Variants in DENND4A observed in about 807,000 individuals in gnomAD.
DENND4A encodes the protein C-myc promoter-binding protein.
DENND4A carries 70 observed loss-of-function variants against 199.3 expected under a neutral mutation model. That is an observed-to-expected ratio of 0.35 (90% CI 0.29 to 0.43). The LOEUF is 0.43. DENND4A is among the 20% of genes least tolerant of loss of function. DENND4A has a pLI of 1.00. For missense variants in DENND4A, 1,723 were observed against 2,255.8 expected (o/e 0.76, Z 4.78); for synonymous variants, 686 against 766.9 (o/e 0.89, Z 1.74).
chr15:65,751,977 T>C (rs2076573833), intron 4 of DENND4A, among the ~76,000 whole-genome samples: 1 of 151,074 alleles, frequency 6.6e-6, no homozygotes, highest in South Asian at 2.1e-4. Context: ...TTGGAGGAAA[T>C]AGGGAGGGAA....
At chr15:65,669,737 AAT>A (rs2076160447) in intron 27 of DENND4A, 40 bp downstream of exon 27, 1 of 1,513,416 alleles carries the variant, frequency 6.6e-7, no homozygotes, top group African/African-American at 1.4e-5. Context: ...AATATGTGTA[AAT>A]ATATGTTGTT....
chr15:65,779,348 C>T (rs1400075752), intron 1 of DENND4A, among the ~76,000 whole-genome samples: 1 of 149,490 alleles, frequency 6.7e-6, no homozygotes, highest in Non-Finnish European at 1.5e-5. Flanking sequence ...CCCAGCTACT[C>T]GGGAGGCTGA....
chr15:65,757,262 TG>T (rs71139431), intron 2 of DENND4A, among the ~76,000 whole-genome samples: 52,305 of 102,670 alleles, frequency 0.51, 12,315 homozygotes, highest in East Asian at 0.78. Context: ...TCTTCTGAGA[TG>T]GGGGGGGGGG....
intron 13 of DENND4A, 114 bp downstream of exon 13, chr15:65,717,661 TCTC>T (rs1232882163): frequency 1.1e-6 from 1 of 929,450 alleles, no homozygotes; most frequent in East Asian, 2.7e-5. Context: ...GTATTCAGAT[TCTC>T]CTCAAAATAG....
At chr15:65,761,631 T>G (rs1016260192) in intron 1 of DENND4A, among the ~76,000 whole-genome samples, 193 bp from the exon 2 acceptor site, 1 of 150,110 alleles carries the variant, frequency 6.7e-6, no homozygotes, top group African/African-American at 2.5e-5. Context: ...ATACATACTT[T>G]AAAAACAAAA....
At position 65,740,968 on chromosome 15, in the gene DENND4A, A is replaced by C. The variant is rs531833693; in HGVS notation, c.631+747T>G. ...CCGAATGAGACCCCGTACCCCCCCCAAAAAAAATCAAATGTAAAAGAGAAA... is the reference window on the plus strand; with the variant it reads ...CCGAATGAGACCCCGTACCCCCCCCCAAAAAAATCAAATGTAAAAGAGAAA... On this transcript the variant is annotated intron_variant, in intron 5 of 32. Transcript: ENST00000443035. Among the ~76,000 whole-genome samples, 350 of 151,844 alleles carry C rather than the reference A, an allele frequency of 2.3e-3. 1 individual carries two copies. Among genetic ancestry groups the C allele is most frequent in the African/African-American group, 7.5e-3 (310 of 41,376 alleles).
In DENND4A at chr15:65,660,496, G is replaced by A. The variant is rs2075817795; in HGVS notation, c.*1355C>T. 1 of 536,740 alleles carries A rather than the reference G, an allele frequency of 1.9e-6. No individual in the cohort carries two copies. Among genetic ancestry groups the A allele is most frequent in the Admixed American group, 3.5e-5 (1 of 28,666 alleles). 33.2% of individuals were successfully genotyped at this position (536,740 alleles called of 1,614,324 possible). A position where few individuals can be genotyped will look rare whatever the true frequency, so the allele number is the denominator to read the frequency against. On this transcript the variant is annotated 3_prime_UTR_variant, in exon 33 of 33. Coordinates refer to ENST00000443035, the MANE Select transcript of DENND4A (RefSeq NM_001320835.1). The stretch of plus-strand genomic sequence containing the variant: ...AGGGAATTCCTTCACTAATGATAAT[G>A]TGTGCAAACACACACACATATTGAA...
At chr15:65,675,781 T>C (rs983578929) in intron 24 of DENND4A, among the ~76,000 whole-genome samples, 14 of 152,164 alleles carry the variant, frequency 9.2e-5, no homozygotes, top group African/African-American at 2.9e-4. Flanking sequence ...TCTCATATAC[T>C]GGCAGTGGGA....
intron 32 of DENND4A, among the ~76,000 whole-genome samples, chr15:65,662,956 C>G (rs982232784): frequency 4.6e-5 from 7 of 151,900 alleles, no homozygotes; most frequent in Non-Finnish European, 8.8e-5. Context: ...ACAGTCTGGG[C>G]TTGTATTAGG....
intron 4 of DENND4A, among the ~76,000 whole-genome samples, chr15:65,742,347 G>C (rs1423302335): frequency 6.6e-6 from 1 of 151,724 alleles, no homozygotes; most frequent in African/African-American, 2.4e-5. Flanking sequence ...GCAGTGGTGC[G>C]ATCTTGGCTC....
At chr15:65,743,718 C>T (rs1773936264) in intron 4 of DENND4A, among the ~76,000 whole-genome samples, 1 of 152,110 alleles carries the variant, frequency 6.6e-6, no homozygotes, top group African/African-American at 2.4e-5. Context: ...AAAGTATTTG[C>T]TGAATGAATT....
At chr15:65,663,582 T>C (rs2075943816) in intron 32 of DENND4A, among the ~76,000 whole-genome samples, 1 of 152,192 alleles carries the variant, frequency 6.6e-6, no homozygotes, top group Non-Finnish European at 1.5e-5. Context: ...CCATTGATTT[T>C]TCCAGCTCTG....
chr15:65,723,632 G>A (rs1476776997), intron 11 of DENND4A, among the ~76,000 whole-genome samples: 1 of 152,008 alleles, frequency 6.6e-6, no homozygotes. Flanking sequence ...ATCACAGACA[G>A]TTCAGAACCC....
At chr15:65,664,534 T>G in intron 31 of DENND4A, 26 bp downstream of exon 31, 1 of 1,600,292 alleles carries the variant, frequency 6.2e-7, no homozygotes, top group Non-Finnish European at 8.5e-7. Flanking sequence ...AGGAGAACAA[T>G]ATATTCGTCT....
chr15:65,673,559 A>C (rs7497371), intron 24 of DENND4A, among the ~76,000 whole-genome samples: 54 of 151,368 alleles, frequency 3.6e-4, no homozygotes, highest in Non-Finnish European at 6.3e-4. Context: ...CATGTTAAAC[A>C]CCACCACCGG....
At chr15:65,698,538 C>T (rs1209110866) in intron 20 of DENND4A, among the ~76,000 whole-genome samples, 1 of 151,894 alleles carries the variant, frequency 6.6e-6, no homozygotes, top group Non-Finnish European at 1.5e-5. Context: ...ACTTGTAAAG[C>T]ACTCTCTAAA....
intron 2 of DENND4A, among the ~76,000 whole-genome samples, chr15:65,757,260 G>T (rs1272086722): frequency 1.3e-5 from 1 of 79,198 alleles, no homozygotes; most frequent in Non-Finnish European, 2.4e-5. Context: ...ATTCTTCTGA[G>T]ATGGGGGGGG....
chr15:65,685,197 G>A (rs1272675720), intron 23 of DENND4A, among the ~76,000 whole-genome samples: 1 of 151,432 alleles, frequency 6.6e-6, no homozygotes, highest in Non-Finnish European at 1.5e-5. Flanking sequence ...CGCAATCTCA[G>A]CTCACCGCAA....
rs773969879 is a variant in DENND4A at position 65,701,917 on chromosome 15, G to A, written c.2431-27C>T. The A allele has an allele frequency of 4.9e-5, 79 of 1,612,182 alleles. No homozygotes were observed. In the Middle Eastern group the frequency reaches 4.9e-4, roughly 10 times the overall value. ...TGAAATACAAGTTCAAAATTGTACC[G>A]AAACACAGATGTCACCATGTACATA... On this transcript the variant is annotated intron_variant, in intron 17 of 32. Transcript: ENST00000443035.
Sources: allele counts gnomAD v4.1 joint callset (sites outside exome capture counted in the v4.1 genomes callset), GRCh38; gene constraint gnomAD v4.1.1; transcripts MANE v1.5; gene names NCBI Gene and HGNC (gene_info 2026-07-23, HGNC 2026-07-21).